The following LRP1B variants were observed in gnomAD, a reference collection of about 807,000 sequenced individuals.
LRP1B encodes the protein LDL receptor related protein 1B.
LRP1B carries 217 observed loss-of-function variants against 556.6 expected under a neutral mutation model. The ratio of observed to expected loss-of-function variants is 0.39; its 90% CI spans 0.35 to 0.44. The LOEUF is 0.44. Ranked by LOEUF, LRP1B falls within the 20% of genes least tolerant of loss-of-function variation. The pLI, the probability that LRP1B is intolerant of heterozygous loss-of-function variation, is 1.00. For missense variants in LRP1B, 5,053 were observed against 5,620.8 expected (o/e 0.90, Z 3.23); for synonymous variants, 2,047 against 1,865.8 (o/e 1.10, Z -2.50).
At chr2:141,208,600 G>T (rs1037814634) in intron 6 of LRP1B, among the ~76,000 whole-genome samples, 2 of 151,844 alleles carry the variant, frequency 1.3e-5, no homozygotes, top group East Asian at 3.9e-4. Flanking sequence ...GGCGCGGGGG[G>T]CTCACGCCTG....
At chr2:141,890,331 T>TATATATATATATATATATGTATTGTGC (rs1558942693) in intron 1 of LRP1B, among the ~76,000 whole-genome samples, 17 of 120,754 alleles carry the variant, frequency 1.4e-4, no homozygotes, top group African/African-American at 6.7e-4. Flanking sequence ...TACATATATA[T>TATATATATATATATATATGTATTGTGC]ATATATATAT....
chr2:140,746,759 A>T (rs564554077), intron 35 of LRP1B, among the ~76,000 whole-genome samples: 3 of 152,230 alleles, frequency 2.0e-5, no homozygotes, highest in Admixed American at 2.0e-4. Flanking sequence ...GATTTTTGCC[A>T]GCAGCTGGCA....
At chr2:142,050,753 T>C (rs902617530) in intron 1 of LRP1B, among the ~76,000 whole-genome samples, 1 of 152,126 alleles carries the variant, frequency 6.6e-6, no homozygotes, top group Non-Finnish European at 1.5e-5. Flanking sequence ...TTGAGGATAC[T>C]ACCACAAAGA....
At chr2:141,324,041 C>T (rs1282550306) in intron 3 of LRP1B, among the ~76,000 whole-genome samples, 1 of 143,708 alleles carries the variant, frequency 7.0e-6, no homozygotes, top group African/African-American at 2.5e-5. Context: ...CACACACACA[C>T]ACACACACAC....
At chr2:141,361,910 A>T (rs1573857282) in intron 3 of LRP1B, among the ~76,000 whole-genome samples, 1 of 152,188 alleles carries the variant, frequency 6.6e-6, no homozygotes. Context: ...ACCCTAGTAC[A>T]CTATCCTTTC....
At chr2:140,399,487 C>T (rs887735716) in intron 66 of LRP1B, among the ~76,000 whole-genome samples, 7 of 151,728 alleles carry the variant, frequency 4.6e-5, no homozygotes, top group African/African-American at 1.7e-4. Flanking sequence ...CTCCCTATGC[C>T]CCAAATATAT....
intron 7 of LRP1B, among the ~76,000 whole-genome samples, chr2:141,094,494 T>C (rs1225946455): frequency 6.6e-6 from 1 of 152,158 alleles, no homozygotes; most frequent in African/African-American, 2.4e-5. Context: ...GCACAAAGGA[T>C]TTTAAGTGAC....
At chr2:140,293,675 C>T (rs141771883) in intron 84 of LRP1B, among the ~76,000 whole-genome samples, 20 of 152,206 alleles carry the variant, frequency 1.3e-4, no homozygotes, top group African/African-American at 4.1e-4. Flanking sequence ...TGAACCTTGT[C>T]GGCTTACATC....
intron 2 of LRP1B, among the ~76,000 whole-genome samples, chr2:141,734,572 T>C (rs1693395480): frequency 6.6e-6 from 1 of 152,178 alleles, no homozygotes; most frequent in South Asian, 2.1e-4. Context: ...GCAATTATTT[T>C]TAATAAAATC....
chr2:141,700,269 T>C (rs1691892910), intron 2 of LRP1B, among the ~76,000 whole-genome samples: 1 of 151,860 alleles, frequency 6.6e-6, no homozygotes, highest in African/African-American at 2.4e-5. Flanking sequence ...TATTTGTTTA[T>C]TCCCCGCTGG....
chr2:141,875,297 T>C (rs888190519), intron 1 of LRP1B, among the ~76,000 whole-genome samples: 2 of 151,874 alleles, frequency 1.3e-5, no homozygotes, highest in African/African-American at 2.4e-5. Flanking sequence ...CATGAACCTG[T>C]TATCAGGCCA....
intron 6 of LRP1B, among the ~76,000 whole-genome samples, chr2:141,206,957 C>A (rs2105240026): frequency 6.6e-6 from 1 of 152,290 alleles, no homozygotes; most frequent in South Asian, 2.1e-4. Context: ...GGCTTCAGCA[C>A]AAGCCCTTCT....
At chr2:141,453,288 T>G (rs1681493233) in intron 3 of LRP1B, among the ~76,000 whole-genome samples, 1 of 152,216 alleles carries the variant, frequency 6.6e-6, no homozygotes, top group East Asian at 1.9e-4. Flanking sequence ...TCAATAAAAA[T>G]AATACATATT....
intron 23 of LRP1B, among the ~76,000 whole-genome samples, chr2:140,888,684 A>T (rs189732204): frequency 2.0e-3 from 297 of 152,020 alleles, no homozygotes; most frequent in African/African-American, 6.8e-3. Flanking sequence ...AAATAGAAGG[A>T]CAGGTGCGGT....
chr2:140,681,026 G>A (rs1247249408), intron 41 of LRP1B, among the ~76,000 whole-genome samples: 1 of 152,128 alleles, frequency 6.6e-6, no homozygotes, highest in African/African-American at 2.4e-5. Flanking sequence ...TGGGGTATAA[G>A]TCACAGGAAA....
intron 35 of LRP1B, among the ~76,000 whole-genome samples, chr2:140,749,759 A>C (rs1462173587): frequency 6.6e-6 from 1 of 152,200 alleles, no homozygotes; most frequent in East Asian, 1.9e-4. Context: ...AGTGTGCTCC[A>C]AAATAATGAT....
At chr2:140,454,291 G>A (rs1039527911) in intron 62 of LRP1B, among the ~76,000 whole-genome samples, 2 of 152,050 alleles carry the variant, frequency 1.3e-5, no homozygotes, top group African/African-American at 2.4e-5. Flanking sequence ...TGGGATTACA[G>A]GTCCTTGCCA....
chr2:141,850,622 C>CTGTG (rs70994458), intron 1 of LRP1B, among the ~76,000 whole-genome samples: 3,812 of 141,142 alleles, frequency 0.027, 75 homozygotes, highest in Non-Finnish European at 0.031. Flanking sequence ...AGCATAAACT[C>CTGTG]TGTGTGTGTG....
chr2:141,914,645 T>C (rs1699984960), intron 1 of LRP1B, among the ~76,000 whole-genome samples: 1 of 152,200 alleles, frequency 6.6e-6, no homozygotes, highest in Non-Finnish European at 1.5e-5. Context: ...GACAAATGAC[T>C]TCAGTAAAGT....
Sources: gnomAD v4.1 joint callset for allele counts (sites outside exome capture counted in the v4.1 genomes callset) on GRCh38, gnomAD v4.1.1 for gene constraint, MANE v1.5 for transcripts, NCBI Gene and HGNC (gene_info 2026-07-23, HGNC 2026-07-21) for gene names.